The following KRT39 variants were observed in gnomAD, a reference collection of about 807,000 sequenced individuals.
KRT39 encodes keratin, type I cytoskeletal 39.
A neutral mutation model predicts 54.8 loss-of-function variants in KRT39; 47 were observed. The ratio of observed to expected loss-of-function variants is 0.86; its 90% CI spans 0.68 to 1.09. KRT39 has a LOEUF of 1.09. Among genes scored for constraint, KRT39 ranks in the 50% least tolerant of loss-of-function variants. KRT39 has a pLI of 0.00. For synonymous variants in KRT39, 207 were observed against 227.9 expected (o/e 0.91, Z 0.83); for missense variants, 580 against 598.5 (o/e 0.97, Z 0.32).
At chr17:40,960,180 G>GGTC (rs1911080112) in intron 6 of KRT39, 101 bp downstream of exon 6, 31 of 981,622 alleles carry the variant, frequency 3.2e-5, no homozygotes, top group Non-Finnish European at 4.5e-5. Context: ...TCACTGGCAA[G>GGTC]AAGGTCAAAC....
At chr17:40,958,947 A>G (rs1911021857) in intron 6 of KRT39, 88 bp from the exon 7 acceptor site, 2 of 1,287,502 alleles carry the variant, frequency 1.6e-6, no homozygotes, top group Non-Finnish European at 2.2e-6. Context: ...TTTTTTTAAC[A>G]CGTGTTGCTC....
At chr17:40,964,708 C>T (rs1911294793) in intron 1 of KRT39, among the ~76,000 whole-genome samples, 180 bp from the exon 2 acceptor site, 1 of 152,132 alleles carries the variant, frequency 6.6e-6, no homozygotes, top group Admixed American at 6.6e-5. Context: ...CTGTTATTTT[C>T]CTAAAAGATC....
In KRT39 at chr17:40,960,410, G is replaced by A. The variant is rs1422278553; in HGVS notation, c.1088C>T (p.Ala363Val). 2 of 1,614,086 alleles carry A rather than the reference G, an allele frequency of 1.2e-6. No individual in the cohort carries two copies. Among genetic ancestry groups the A allele is most frequent in the Non-Finnish European group, 1.7e-6 (2 of 1,180,008 alleles). ...GGCACACCGGATCTCTGCCAGCTGA[G>A]CTTCCAGGTTATCAATCAGACTCTG... ...QIQSLIDNLE[A>V]QLAEIRCALE... The change falls in exon 6 of 7, where the codon GCT (alanine) becomes GTT (valine). Residue 363 changes from alanine to valine, a missense_variant. Transcript: ENST00000355612.
Position 40,964,460 on chromosome 17 carries a change from A to G in KRT39, c.537T>C (p.Asp179=), listed in dbSNP as rs1911279967. ...GGTGGGCTTACTTGGCTCTCAAGTC[A>G]TCTGCAGTCAGTTTGGTGTTGTCAA... The part of the protein sequence containing the change: ...SQIDNTKLTA[D]DLRAKYEAEV... Residue 179 remains aspartate, a synonymous_variant, in exon 2 of 7, where the codon GAT becomes GAC. Transcript: ENST00000355612. 1 of 1,614,018 alleles carries G rather than the reference A, an allele frequency of 6.2e-7. No homozygotes were observed. The highest frequency in any genetic ancestry group is 8.5e-7 in the Non-Finnish European group (1 of 1,180,016).
intron 6 of KRT39, among the ~76,000 whole-genome samples, 162 bp downstream of exon 6, chr17:40,960,119 C>T (rs1911075910): frequency 6.6e-6 from 1 of 152,184 alleles, no homozygotes; most frequent in Non-Finnish European, 1.5e-5. Flanking sequence ...GCAAGTCTTC[C>T]TCATGGCACA....
At chr17:40,964,405 G>T in intron 2 of KRT39, 41 bp downstream of exon 2, 1 of 1,562,884 alleles carries the variant, frequency 6.4e-7, no homozygotes, top group Non-Finnish European at 8.8e-7. Context: ...GTCAGACTCA[G>T]GGTGAGCTCT....
Position 40,966,773 on chromosome 17 carries a change from G to A in KRT39, c.84C>T (p.Ile28=), listed in dbSNP as rs763698715. 7 of 1,614,064 alleles carry A rather than the reference G, an allele frequency of 4.3e-6. No individual in the cohort carries two copies. The Admixed American group carries it at 6.7e-5, about 15-fold the overall frequency. Residue 28 remains isoleucine, a synonymous_variant, in exon 1 of 7, where the codon ATC becomes ATT. Coordinates refer to ENST00000355612, the MANE Select transcript of KRT39 (RefSeq NM_213656.4). ...CAGGATGGCAGCCGTTGTTAGAAGA[G>A]ATGGTACTAACATTTGTAATCCTAG... ...NCSRITNVST[I]SSNNGCHPGG...
chr17:40,965,198 C>T (rs1230610813), intron 1 of KRT39, among the ~76,000 whole-genome samples: 1 of 127,598 alleles, frequency 7.8e-6, no homozygotes, highest in Non-Finnish European at 1.6e-5. Flanking sequence ...AGCGAGACTC[C>T]GTCTCAAAAA....
chr17:40,963,615 T>G lies in KRT39; in HGVS notation c.708+12A>C. 1 of 1,593,156 alleles carries G rather than the reference T, an allele frequency of 6.3e-7. No individual in the cohort carries two copies. The highest frequency in any genetic ancestry group is 8.6e-7 in the Non-Finnish European group (1 of 1,163,756). Reference sequence around the variant, plus strand: ...ACTTAGCTTGTGATTACTCTATTGGTCTTTGTCTCACCTCTTTGTGGTTGT... The same window carrying G: ...ACTTAGCTTGTGATTACTCTATTGGGCTTTGTCTCACCTCTTTGTGGTTGT... On this transcript the variant is annotated intron_variant, in intron 3 of 6. Transcript: ENST00000355612.
At chr17:40,965,200 T>C (rs1303578449) in intron 1 of KRT39, among the ~76,000 whole-genome samples, 1 of 112,896 alleles carries the variant, frequency 8.9e-6, no homozygotes, top group Non-Finnish European at 1.7e-5. Flanking sequence ...CGAGACTCCG[T>C]CTCAAAAAAA....
chr17:40,962,328 AAAC>A (rs1232687944), intron 4 of KRT39, 41 bp from the exon 5 acceptor site: 1 of 1,612,312 alleles, frequency 6.2e-7, no homozygotes, highest in Non-Finnish European at 8.5e-7. Flanking sequence ...TATGGGAGGA[AAAC>A]ATGACTTTGA....
Position 40,960,513 on chromosome 17 carries a change from A to G in KRT39, c.997-12T>C. ...TCTTGGGAATCTCTCTACCATGGAG[A>G]AGGATAGTAGGATTTATAATGACTC... On this transcript the variant is annotated splice_polypyrimidine_tract_variant and intron_variant, in intron 5 of 6. Transcript: ENST00000355612. The G allele has an allele frequency of 6.2e-7, 1 of 1,601,472 alleles. No individual in the cohort carries two copies. The highest frequency in any genetic ancestry group is 8.6e-7 in the Non-Finnish European group (1 of 1,168,480).
At chr17:40,964,232 T>A (rs1911268996) in intron 2 of KRT39, 1 of 558,662 alleles carries the variant, frequency 1.8e-6, no homozygotes, top group Non-Finnish European at 3.2e-6. Context: ...GTGTAGGTAA[T>A]CAAATGGGTT....
At chr17:40,965,864 G>A (rs1473083983) in intron 1 of KRT39, among the ~76,000 whole-genome samples, 1 of 152,078 alleles carries the variant, frequency 6.6e-6, no homozygotes, top group African/African-American at 2.4e-5. Flanking sequence ...CTGGAGAAAG[G>A]AAACACCATG....
chr17:40,965,488 C>T (rs1217156130), intron 1 of KRT39, among the ~76,000 whole-genome samples: 1 of 152,202 alleles, frequency 6.6e-6, no homozygotes, highest in Non-Finnish European at 1.5e-5. Context: ...TTTTAAAGGT[C>T]ACCAATATTT....
At chr17:40,959,126 CT>C (rs1378037504) in intron 6 of KRT39, among the ~76,000 whole-genome samples, 1 of 152,214 alleles carries the variant, frequency 6.6e-6, no homozygotes, top group African/African-American at 2.4e-5. Flanking sequence ...GAATACTGCA[CT>C]AGCAGTCAAA....
Position 40,960,334 on chromosome 17 carries a change from C to A in KRT39, c.1164G>T (p.Arg388=), listed in dbSNP as rs1458937860. The A allele has an allele frequency of 6.2e-7, 1 of 1,613,960 alleles. No individual in the cohort carries two copies. The highest frequency in any genetic ancestry group is 2.2e-5 in the East Asian group (1 of 44,880). Residue 388 remains arginine (R), a synonymous_variant, in exon 6 of 7, where the codon CGG becomes CGT. Coordinates refer to ENST00000355612, the MANE Select transcript of KRT39 (RefSeq NM_213656.4). ...EYEILLDVKS[R]LECEITTYRS... ...GGTATGTGGTAATCTCACATTCCAG[C>A]CGGGACTTGACGTCCAGCAGGATCT...
At position 40,960,827 on chromosome 17, in the gene KRT39, C is replaced by G. The variant is rs542242763; in HGVS notation, c.997-326G>C. 17 of 357,888 alleles carry G rather than the reference C, an allele frequency of 4.8e-5. No homozygotes were observed. The South Asian group carries it at 5.3e-4, about 11-fold the overall frequency. The allele number at this position is 357,888 out of a possible 1,614,324, so 22.2% of individuals were successfully genotyped here. A position where few individuals can be genotyped will look rare whatever the true frequency, so the allele number is the denominator to read the frequency against. On this transcript the variant is annotated intron_variant, in intron 5 of 6. Transcript: ENST00000355612. ...GAAAAAATAATAACTTAATGCACAC[C>G]CAGGCATTAAAAATGCATTACTGGC...
rs751148772 is a variant in KRT39, at chr17:40,960,375, G to C, written c.1123C>G (p.Gln375Glu). ...LAEIRCALER[Q>E]NQEYEILLDV... ...AGCAGGATCTCGTATTCTTGGTTCT[G>C]TCTTTCCAGGGCACACCGGATCTCT... Residue 375 changes from glutamine to glutamate, a missense_variant, in exon 6 of 7, where the codon CAG becomes GAG. Physicochemically the swap from Gln to Glu is conservative, Grantham distance 29. Transcript: ENST00000355612. The C allele has an allele frequency of 2.5e-6, 4 of 1,614,110 alleles. No homozygotes were observed. Among genetic ancestry groups the C allele is most frequent in the Non-Finnish European group, 3.4e-6 (4 of 1,180,014 alleles).
Sources: gnomAD v4.1 joint callset for allele counts (sites outside exome capture counted in the v4.1 genomes callset) on GRCh38, gnomAD v4.1.1 for gene constraint, MANE v1.5 for transcripts, NCBI Gene and HGNC (gene_info 2026-07-23, HGNC 2026-07-21) for gene names.